ASCC1: variants seen among roughly 807,000 people sequenced by gnomAD.
ASCC1 encodes ASC-1 complex subunit P50.
In ASCC1, 35 loss-of-function variants were observed where a neutral mutation model predicts 46.6. That is an observed-to-expected ratio of 0.75 (90% confidence interval 0.57 to 0.99). The LOEUF (loss-of-function observed/expected upper bound fraction) is 0.99, where lower values mean the gene tolerates loss of function less well. ASCC1 is among the 50% of genes least tolerant of loss of function. The pLI, the probability that ASCC1 is intolerant of heterozygous loss-of-function variation, is 0.00. For synonymous variants in ASCC1, 143 were observed against 146.6 expected (o/e 0.98, Z 0.18); for missense variants, 376 against 428.7 (o/e 0.88, Z 1.09).
At chr10:72,106,401 G>A (rs77808309) in intron 9 of ASCC1, among the ~76,000 whole-genome samples, 3,228 of 152,214 alleles carry the variant, frequency 0.021, 146 homozygotes, top group African/African-American at 0.074. Flanking sequence ...CTCATGTATG[G>A]CAATCAGACT....
chr10:72,125,266 G>A (rs1844726060), intron 9 of ASCC1, among the ~76,000 whole-genome samples: 1 of 151,786 alleles, frequency 6.6e-6, no homozygotes, highest in Non-Finnish European at 1.5e-5. Flanking sequence ...TTCTAAGGCT[G>A]CCTCCCATCA....
chr10:72,124,412 A>G (rs1255770418), intron 9 of ASCC1, among the ~76,000 whole-genome samples: 1 of 152,168 alleles, frequency 6.6e-6, no homozygotes, highest in Non-Finnish European at 1.5e-5. Context: ...TTTGTACCAT[A>G]TCACCTTCTC....
intron 7 of ASCC1, among the ~76,000 whole-genome samples, chr10:72,149,733 T>C (rs1349474011): frequency 6.6e-6 from 1 of 152,222 alleles, no homozygotes; most frequent in Admixed American, 6.5e-5. Context: ...TTTGGATACT[T>C]AGAACACAAA....
In ASCC1 at chr10:72,133,112, A is replaced by G; in HGVS notation, c.816T>C (p.Asn272=). 6.2e-7 allele frequency: 1 copy of G among 1,614,052 alleles called. No individual in the cohort carries two copies. Among genetic ancestry groups the G allele is most frequent in the Non-Finnish European group, 8.5e-7 (1 of 1,179,886 alleles). ...TAACTGTAGCATGCAGTTTCACACT[A>G]TTCCACTCTTTCACTATTAGTCCAG... is the stretch of plus-strand genomic sequence containing the variant. The part of the protein sequence containing the change: ...QASGLIVKEW[N]SVKLHATVMN... The change falls in exon 8 of 10, where the codon AAT becomes AAC. Residue 272 remains asparagine (N), a synonymous_variant. Coordinates refer to ENST00000672957, the MANE Select transcript of ASCC1 (RefSeq NM_001198800.3).
chr10:72,195,851 T>C (rs2133258862), intron 5 of ASCC1, among the ~76,000 whole-genome samples: 1 of 151,850 alleles, frequency 6.6e-6, no homozygotes, highest in South Asian at 2.1e-4. Flanking sequence ...AAAAAAAGTA[T>C]GTGAGTGTAC....
rs374955301 is a variant in ASCC1, at chr10:72,133,050, G to T, written c.871+7C>A. ...CAAACTGTGCTATAGTTCTCTGGGG[G>T]ACTTACCATTGGGGTCTTTCCTGAA... On this transcript the variant is annotated splice_region_variant and intron_variant, in intron 8 of 9. Coordinates refer to ENST00000672957, the MANE Select transcript of ASCC1 (RefSeq NM_001198800.3). 13 of 1,613,962 alleles carry T rather than the reference G, an allele frequency of 8.1e-6. No homozygotes were observed. The African/African-American group carries it at 1.7e-4, about 22-fold the overall frequency.
chr10:72,111,743 G>C (rs1842941349), intron 9 of ASCC1, among the ~76,000 whole-genome samples: 1 of 152,046 alleles, frequency 6.6e-6, no homozygotes, highest in Admixed American at 6.5e-5. Context: ...CCGGGTTCAT[G>C]CCATTCTCCT....
At chr10:72,145,277 C>T (rs1459209717) in intron 7 of ASCC1, among the ~76,000 whole-genome samples, 1 of 152,130 alleles carries the variant, frequency 6.6e-6, no homozygotes, top group Non-Finnish European at 1.5e-5. Context: ...TGCATTTAAT[C>T]TTTTTCCTCT....
chr10:72,142,573 G>A (rs1463423199), intron 7 of ASCC1, among the ~76,000 whole-genome samples: 3 of 151,854 alleles, frequency 2.0e-5, no homozygotes, highest in Non-Finnish European at 4.4e-5. Context: ...CACCATGTTG[G>A]CCAGGCTGGT....
At chr10:72,163,504 G>A (rs1446252304) in intron 5 of ASCC1, among the ~76,000 whole-genome samples, 1 of 152,140 alleles carries the variant, frequency 6.6e-6, no homozygotes, top group Admixed American at 6.6e-5. Flanking sequence ...GGAGGCCGAG[G>A]CAGGCAGATC....
chr10:72,112,561 C>G (rs1480143830), intron 9 of ASCC1, among the ~76,000 whole-genome samples: 1 of 149,462 alleles, frequency 6.7e-6, no homozygotes, highest in African/African-American at 2.5e-5. Context: ...TTAAAATAGC[C>G]AATCTTATGT....
intron 7 of ASCC1, among the ~76,000 whole-genome samples, chr10:72,149,224 G>A (rs1847995229): frequency 1.3e-5 from 2 of 151,842 alleles, no homozygotes; most frequent in Admixed American, 1.3e-4. Context: ...AGAGCACAAG[G>A]TCAGGAGATC....
intron 5 of ASCC1, among the ~76,000 whole-genome samples, chr10:72,188,682 C>T (rs1853886971): frequency 6.6e-6 from 1 of 152,260 alleles, no homozygotes; most frequent in Non-Finnish European, 1.5e-5. Flanking sequence ...CTTTAACTCG[C>T]AGTAAAGTAT....
intron 7 of ASCC1, 49 bp from the exon 8 acceptor site, chr10:72,133,230 A>ACATG (rs1446775828): frequency 1.9e-6 from 3 of 1,592,886 alleles, no homozygotes; most frequent in South Asian, 1.1e-5. Context: ...AAACTTCTGA[A>ACATG]CATGCGATTA....
intron 9 of ASCC1, among the ~76,000 whole-genome samples, chr10:72,112,992 A>T (rs985784709): frequency 6.6e-6 from 1 of 152,146 alleles, no homozygotes; most frequent in African/African-American, 2.4e-5. Context: ...ATGAACACAT[A>T]AAAAAGATAA....
At position 72,161,539 on chromosome 10, in the gene ASCC1, TAATG is replaced by T. The variant is rs1564672877; in HGVS notation, c.621_624del (p.Phe207LeufsTer10). 1 of 1,614,166 alleles carries T rather than the reference TAATG, an allele frequency of 6.2e-7. No homozygotes were observed. On this transcript the variant is annotated frameshift_variant and splice_region_variant, in exon 6 of 10. Coordinates refer to ENST00000672957, the MANE Select transcript of ASCC1 (RefSeq NM_001198800.3). LOFTEE classifies it high-confidence loss of function. ...CCCCCATCCCTGAGAATTACTCACT[TAATG>T]AATTCCTCTTTACACTGCTGTAGCA...
At position 72,100,694 on chromosome 10, in the gene ASCC1, A is replaced by C. The variant is rs1281014646; in HGVS notation, c.958-3244T>G. ...AGGCATGAGACACTGTGTCCCGCCA[A>C]TGTATCTTTATTCTTAAGTCTTTTA... On this transcript the variant is annotated intron_variant, in intron 9 of 9. Transcript: ENST00000672957. Among the ~76,000 whole-genome samples, 3 of 152,110 alleles carry C rather than the reference A, an allele frequency of 2.0e-5. No individual in the cohort carries two copies. The East Asian group carries it at 5.8e-4, about 29-fold the overall frequency.
At chr10:72,161,500 G>A in intron 6 of ASCC1, 38 bp downstream of exon 6, 1 of 1,613,872 alleles carries the variant, frequency 6.2e-7, no homozygotes, top group Non-Finnish European at 8.5e-7. Flanking sequence ...AGCCAGCCCA[G>A]GTAGACCACC....
chr10:72,209,362 G>T (rs969647805), intron 3 of ASCC1, among the ~76,000 whole-genome samples: 1 of 151,510 alleles, frequency 6.6e-6, no homozygotes, highest in Non-Finnish European at 1.5e-5. Flanking sequence ...GTGTGTGCCG[G>T]TTCCAGCTAC....
Sources: allele counts gnomAD v4.1 joint callset (sites outside exome capture counted in the v4.1 genomes callset), GRCh38; gene constraint gnomAD v4.1.1; transcripts MANE v1.5; gene names NCBI Gene and HGNC (gene_info 2026-07-23, HGNC 2026-07-21).